MIGA2: variants seen among roughly 807,000 people sequenced by gnomAD.
The protein encoded by MIGA2 is family with sequence similarity 73, member B.
Under a neutral mutation model 69.9 loss-of-function variants are expected in MIGA2, and 36 were observed. The observed-to-expected ratio is 0.52, with a 90% CI of 0.39 to 0.68. The LOEUF (loss-of-function observed/expected upper bound fraction) is 0.68, where lower values mean the gene tolerates loss of function less well. Among genes scored for constraint, MIGA2 ranks in the 30% least tolerant of loss-of-function variants. The pLI is 0.00. For missense variants in MIGA2, 660 were observed against 787.7 expected (o/e 0.84, Z 1.94); for synonymous variants, 333 against 349.2 (o/e 0.95, Z 0.52).
In MIGA2 at chr9:129,040,635, C is replaced by G. The variant is rs1208140649; in HGVS notation, c.41C>G (p.Ala14Gly). The change falls in exon 2 of 16, where the codon GCC becomes GGC. Residue 14 changes from alanine (A) to glycine (G), a missense_variant. Physicochemically the swap from Ala to Gly is moderately conservative, Grantham distance 60. Around this residue, in one of 3 missense-constraint regions of MIGA2, gnomAD observed 54 missense variants for 84.0 expected, o/e 0.64. Transcript: ENST00000684074. Reference protein sequence around the residue: ...RRAEGTSMIQALAMTVAEIPV... With the variant: ...RRAEGTSMIQGLAMTVAEIPV... ...GCCGAGGGCACGTCTATGATCCAGGCCCTGGCCATGACGGTGGCCGAGATC... is the reference window on the plus strand; with the variant it reads ...GCCGAGGGCACGTCTATGATCCAGGGCCTGGCCATGACGGTGGCCGAGATC... 1.2e-6 allele frequency: 2 copies of G among 1,613,876 alleles called. No individual in the cohort carries two copies. The highest frequency in any genetic ancestry group is 1.7e-6 in the Non-Finnish European group (2 of 1,179,812).
At chr9:129,049,697 C>T in intron 5 of MIGA2, 130 bp from the exon 6 acceptor site, 1 of 1,421,686 alleles carries the variant, frequency 7.0e-7, no homozygotes, top group Non-Finnish European at 9.8e-7. Flanking sequence ...GGAACCTGAG[C>T]AGCCCAGGCC....
intron 6 of MIGA2, among the ~76,000 whole-genome samples, chr9:129,054,000 G>A (rs1008018304): frequency 4.6e-5 from 7 of 152,052 alleles, no homozygotes; most frequent in Admixed American, 1.3e-4. Flanking sequence ...CTATGATTGT[G>A]CCACTGCACT....
intron 10 of MIGA2, 98 bp from the exon 11 acceptor site, chr9:129,063,447 G>A (rs1385321096): frequency 6.4e-7 from 1 of 1,555,622 alleles, no homozygotes; most frequent in Admixed American, 1.7e-5. Flanking sequence ...CTCTGTGGCA[G>A]GTGGGCCACC....
Position 129,065,306 on chromosome 9 carries a change from TA to T in MIGA2, c.1170+1681del, listed in dbSNP as rs547672084. On this transcript the variant is annotated intron_variant, in intron 11 of 15. Transcript: ENST00000684074. ...CAGAGTGAGACCCTGTCTCAAAAAA[TA>T]AAAAACCAAAAAACAAAAAACCACC... is the stretch of plus-strand genomic sequence containing the variant. 9.6e-4 allele frequency among the ~76,000 whole-genome samples: 145 copies of T among 150,744 alleles called. 2 individuals are homozygous for T. In the East Asian group the frequency reaches 0.024, roughly 25 times the overall value.
chr9:129,044,214 G>A lies in MIGA2; in HGVS notation c.307+1700G>A, dbSNP rs535133175. On this transcript the variant is annotated intron_variant, in intron 3 of 15. Transcript: ENST00000684074. Reference sequence around the variant, plus strand: ...TCACCATGTTAGCCAGGCTGGTCTCGAACTCCTGACCTCGTGATCCACCCG... The same window carrying A: ...TCACCATGTTAGCCAGGCTGGTCTCAAACTCCTGACCTCGTGATCCACCCG... Among the ~76,000 whole-genome samples the A allele has an allele frequency of 7.3e-4, 110 of 150,824 alleles. 1 individual carries two copies. Among genetic ancestry groups the A allele is most frequent in the Admixed American group, 4.0e-4 (6 of 15,106 alleles).
chr9:129,043,288 C>A (rs1588369838), intron 3 of MIGA2, among the ~76,000 whole-genome samples: 1 of 152,212 alleles, frequency 6.6e-6, no homozygotes, highest in East Asian at 1.9e-4. Context: ...AGTCATCCGA[C>A]CACCACCATA....
intron 6 of MIGA2, among the ~76,000 whole-genome samples, chr9:129,056,646 G>A (rs528352924): frequency 2.6e-5 from 4 of 151,774 alleles, no homozygotes; most frequent in African/African-American, 9.7e-5. Context: ...AGTCTCCCAA[G>A]TCGCTGGAAT....
At chr9:129,063,359 G>T (rs779592549) in intron 10 of MIGA2, 43 bp downstream of exon 10, 3 of 1,607,146 alleles carry the variant, frequency 1.9e-6, no homozygotes, top group African/African-American at 2.8e-5. Context: ...GAGGCAAGGG[G>T]TAGTCAGGCT....
chr9:129,058,404 A>G (rs1195379716), intron 6 of MIGA2, among the ~76,000 whole-genome samples: 1 of 139,386 alleles, frequency 7.2e-6, no homozygotes, highest in Non-Finnish European at 1.5e-5. Flanking sequence ...CCTTGTCTCA[A>G]AAAAAAAAAA....
In MIGA2 at chr9:129,069,138, C is replaced by A; in HGVS notation, c.1458+9C>A. The A allele has an allele frequency of 6.2e-7, 1 of 1,613,850 alleles. No homozygotes were observed. Among genetic ancestry groups the A allele is most frequent in the East Asian group, 2.2e-5 (1 of 44,880 alleles). On this transcript the variant is annotated intron_variant, in intron 14 of 15. Transcript: ENST00000684074. The surrounding 1 kb of genome is among the most constrained non-coding windows in gnomAD (Gnocchi z 4.9). ...AGAGGAGGCTGCTGATGGTGAGTGA[C>A]TGGCAGGCCCGGGGGAGCACGAGCT...
chr9:129,059,166 C>A lies in MIGA2; in HGVS notation c.688C>A (p.Arg230=). Reference sequence around the variant, plus strand: ...GTTTTTATGGCAGCCAGAGTCACAGCGGAAGGAGTTTGCAGAGAAGCTGGA... The same window carrying A: ...GTTTTTATGGCAGCCAGAGTCACAGAGGAAGGAGTTTGCAGAGAAGCTGGA... ...SEPLSEPESQ[R]KEFAEKLESL... Residue 230 remains arginine (R), a synonymous_variant, in exon 7 of 16, where the codon CGG becomes AGG. Coordinates refer to ENST00000684074, the MANE Select transcript of MIGA2 (RefSeq NM_001329990.2). This position sits in a 1 kb window ranked among gnomAD's most constrained non-coding sequence, Gnocchi z 5.6. 8 of 1,613,374 alleles carry A rather than the reference C, an allele frequency of 5.0e-6. No individual in the cohort carries two copies. Among genetic ancestry groups the A allele is most frequent in the Non-Finnish European group, 5.9e-6 (7 of 1,179,568 alleles).
chr9:129,050,835 T>G lies in MIGA2; in HGVS notation c.675+872T>G, dbSNP rs537333377. 2.0e-5 allele frequency among the ~76,000 whole-genome samples: 3 copies of G among 152,072 alleles called. No homozygotes were observed. In the South Asian group the frequency reaches 6.3e-4, roughly 32 times the overall value. ...ATCCGCCTGCCTTGGCTTCCCAAAGTGGTGAGATTACAGGTGTGAGCCACT... is the reference window on the plus strand; with the variant it reads ...ATCCGCCTGCCTTGGCTTCCCAAAGGGGTGAGATTACAGGTGTGAGCCACT... On this transcript the variant is annotated intron_variant, in intron 6 of 15. Transcript: ENST00000684074.
rs764501790 is a variant in MIGA2 at position 129,068,936 on chromosome 9, G to C, written c.1405-140G>C. The C allele has an allele frequency of 4.5e-6, 4 of 886,522 alleles. No homozygotes were observed. The highest frequency in any genetic ancestry group is 7.4e-6 in the Non-Finnish European group (4 of 539,848). 54.9% of individuals were successfully genotyped at this position (886,522 alleles called of 1,614,324 possible). A position where few individuals can be genotyped will look rare whatever the true frequency, so the allele number is the denominator to read the frequency against. On this transcript the variant is annotated intron_variant, in intron 13 of 15. Transcript: ENST00000684074. This position sits in a 1 kb window ranked among gnomAD's most constrained non-coding sequence, Gnocchi z 4.1. ...TCCAAAATCAGAGGAGGAAGCAGCA[G>C]AGCTTAGGCACCTGGCCCCATCTTC...
intron 6 of MIGA2, among the ~76,000 whole-genome samples, chr9:129,058,939 G>A (rs914108561): frequency 6.6e-6 from 1 of 152,224 alleles, no homozygotes; most frequent in South Asian, 2.1e-4. Flanking sequence ...AATCTGGTGT[G>A]TGTTTACACT....
intron 3 of MIGA2, among the ~76,000 whole-genome samples, chr9:129,043,440 G>C (rs959559697): frequency 8.0e-5 from 12 of 149,130 alleles, no homozygotes; most frequent in Non-Finnish European, 1.5e-4. Context: ...AGTCTGCAGG[G>C]CAGTGGCACA....
At chr9:129,049,646 G>T in intron 5 of MIGA2, 148 bp downstream of exon 5, 1 of 1,255,696 alleles carries the variant, frequency 8.0e-7, no homozygotes. Context: ...TTCTGAACAA[G>T]GGACAGTGTC....
chr9:129,065,610 A>G (rs1846299046), intron 11 of MIGA2, among the ~76,000 whole-genome samples: 1 of 152,150 alleles, frequency 6.6e-6, no homozygotes, highest in African/African-American at 2.4e-5. Context: ...TCAGCCTCCC[A>G]AAGTGCTGGG....
chr9:129,041,501 A>G (rs1348149701), intron 2 of MIGA2, among the ~76,000 whole-genome samples: 2 of 152,180 alleles, frequency 1.3e-5, no homozygotes, highest in South Asian at 2.1e-4. Context: ...CTCAAAAAAA[A>G]AAAAGTTTTT....
chr9:129,042,563 G>A (rs373097625), intron 3 of MIGA2, 49 bp downstream of exon 3: 2 of 1,520,050 alleles, frequency 1.3e-6, no homozygotes, highest in African/African-American at 2.8e-5. Context: ...CACATCCTGG[G>A]GTCATATCCC....
Sources: gnomAD v4.1 joint callset for allele counts (sites outside exome capture counted in the v4.1 genomes callset) on GRCh38, gnomAD v4.1.1 for gene constraint, gnomAD v4.1.1 regional missense constraint, Gnocchi (gnomAD v3.1) non-coding constraint, MANE v1.5 for transcripts, NCBI Gene and HGNC (gene_info 2026-07-23, HGNC 2026-07-21) for gene names.